SEPTIN8: variants seen among roughly 807,000 people sequenced by gnomAD.
The protein encoded by SEPTIN8 is septin-8.
In SEPTIN8, 22 loss-of-function variants were observed where a neutral mutation model predicts 53.1. The ratio of observed to expected loss-of-function variants is 0.41; its 90% confidence interval spans 0.30 to 0.59. SEPTIN8 has a LOEUF of 0.59. SEPTIN8 is among the 20% of genes least tolerant of loss of function. The pLI is 0.24. For missense variants in SEPTIN8, 536 were observed against 638.7 expected (o/e 0.84, Z 1.73); for synonymous variants, 228 against 248.4 (o/e 0.92, Z 0.77).
rs30519 is a variant in SEPTIN8 at position 132,776,297 on chromosome 5, T to C, written c.30+811A>G. Among the ~76,000 whole-genome samples, 55,178 of 151,962 alleles carry C rather than the reference T, an allele frequency of 0.36. 16,831 individuals are homozygous for C. The highest frequency in any genetic ancestry group is 0.8 in the African/African-American group (33,230 of 41,444). ...AGATCCAGCCTTAGACAGCAGGGGA[T>C]GTCCAGATACAACCCCCCAAAGGCC... On this transcript the variant is annotated intron_variant, in intron 1 of 9. Coordinates refer to ENST00000378719, the MANE Select transcript of SEPTIN8 (RefSeq NM_001098811.2). This position sits in a 1 kb window ranked among gnomAD's most constrained non-coding sequence, Gnocchi z 4.4.
chr5:132,771,953 C>A (rs1181008375), intron 1 of SEPTIN8, among the ~76,000 whole-genome samples: 1 of 152,102 alleles, frequency 6.6e-6, no homozygotes, highest in East Asian at 1.9e-4. Flanking sequence ...TGTCCCAAAT[C>A]AAGAGGACAC....
chr5:132,764,770 A>G (rs1393449035), intron 2 of SEPTIN8, among the ~76,000 whole-genome samples: 1 of 152,164 alleles, frequency 6.6e-6, no homozygotes, highest in Admixed American at 6.5e-5. Flanking sequence ...GCTCTACACA[A>G]CACCCCTCCT....
rs771514531 is a variant in SEPTIN8 at position 132,762,656 on chromosome 5, CA to C, written c.535-12del. The C allele has an allele frequency of 1.3e-5, 21 of 1,613,974 alleles. No individual in the cohort carries two copies. The African/African-American group carries it at 2.5e-4, about 19-fold the overall frequency. The stretch of plus-strand genomic sequence containing the variant: ...GGGAATAATGTTCACCTGCCAGGAT[CA>C]GGGGAGGGGACAGCAGGCTGGTTGG... On this transcript the variant is annotated splice_polypyrimidine_tract_variant and intron_variant, in intron 4 of 9. Transcript: ENST00000378719.
rs1757839144 is a variant in SEPTIN8, at chr5:132,776,782, C to A, written c.30+326G>T. Among the ~76,000 whole-genome samples the A allele has an allele frequency of 6.6e-6, 1 of 152,142 alleles. No individual in the cohort carries two copies. The highest frequency in any genetic ancestry group is 2.4e-5 in the African/African-American group (1 of 41,434). On this transcript the variant is annotated intron_variant, in intron 1 of 9. Coordinates refer to ENST00000378719, the MANE Select transcript of SEPTIN8 (RefSeq NM_001098811.2). This position sits in a 1 kb window ranked among gnomAD's most constrained non-coding sequence, Gnocchi z 4.4. ...CGATAGGGTCCGGAGTGTCCCGGAC[C>A]CTCACCTGCGGCCCCGCGGGCGCCA... is the stretch of plus-strand genomic sequence containing the variant.
Position 132,777,178 on chromosome 5 carries a change from G to C in SEPTIN8, c.-41C>G. The C allele has an allele frequency of 8.6e-7, 1 of 1,165,840 alleles. No homozygotes were observed. The allele number at this position is 1,165,840 out of a possible 1,614,324, so 72.2% of individuals were successfully genotyped here. On this transcript the variant is annotated 5_prime_UTR_variant, in exon 1 of 10. Coordinates refer to ENST00000378719, the MANE Select transcript of SEPTIN8 (RefSeq NM_001098811.2). The surrounding 1 kb of genome is among the most constrained non-coding windows in gnomAD (Gnocchi z 4.1). ...GGGCGGGTGGGCTGGGACGAGCGCA[G>C]GGGCAGCGACAGGGACCAGCCGGCT...
intron 9 of SEPTIN8, among the ~76,000 whole-genome samples, chr5:132,755,670 C>T (rs1361880162): frequency 6.6e-6 from 1 of 152,154 alleles, no homozygotes; most frequent in Admixed American, 6.5e-5. Context: ...CCGTGGCAAG[C>T]CTTTGTGTTA....
chr5:132,758,355 A>C, intron 9 of SEPTIN8: 1 of 1,404,930 alleles, frequency 7.1e-7, no homozygotes, highest in Non-Finnish European at 9.2e-7. Flanking sequence ...GCTGTAGGTT[A>C]GAAAAATTAA....
At chr5:132,766,506 A>G (rs1329286897) in intron 1 of SEPTIN8, among the ~76,000 whole-genome samples, 1 of 152,170 alleles carries the variant, frequency 6.6e-6, no homozygotes, top group Admixed American at 6.5e-5. Flanking sequence ...AATGGGGTAA[A>G]ATGCTGCCCG....
Position 132,761,635 on chromosome 5 carries a change from A to G in SEPTIN8, c.794-9T>C, listed in dbSNP as rs201182269. On this transcript the variant is annotated splice_polypyrimidine_tract_variant and intron_variant, in intron 6 of 9. Coordinates refer to ENST00000378719, the MANE Select transcript of SEPTIN8 (RefSeq NM_001098811.2). The surrounding 1 kb of genome is among the most constrained non-coding windows in gnomAD (Gnocchi z 5.8). ...GTGATTCTCATTCTCCACTGAAAGC[A>G]GAGGGCCGGTGGGGTATCAGGCAGG... is the stretch of plus-strand genomic sequence containing the variant. 1.2e-6 allele frequency: 2 copies of G among 1,613,272 alleles called. No individual in the cohort carries two copies. Among genetic ancestry groups the G allele is most frequent in the African/African-American group, 2.7e-5 (2 of 75,026 alleles).
At position 132,761,731 on chromosome 5, in the gene SEPTIN8, AC is replaced by A. The variant is rs1755984484; in HGVS notation, c.793+68del. Reference sequence around the variant, plus strand: ...GCATGAGGAGGAAACAGCACAGGGTACTACAGGCAGCAGGGCAGGCCAGGGA... The same window carrying A: ...GCATGAGGAGGAAACAGCACAGGGTATACAGGCAGCAGGGCAGGCCAGGGA... On this transcript the variant is annotated intron_variant, in intron 6 of 9. Transcript: ENST00000378719. This position sits in a 1 kb window ranked among gnomAD's most constrained non-coding sequence, Gnocchi z 5.8. 6.3e-7 allele frequency: 1 copy of A among 1,584,082 alleles called. No homozygotes were observed. Among genetic ancestry groups the A allele is most frequent in the African/African-American group, 1.3e-5 (1 of 74,502 alleles).
At chr5:132,770,157 ATATATATATG>A (rs1757171312) in intron 1 of SEPTIN8, among the ~76,000 whole-genome samples, 1 of 128,116 alleles carries the variant, frequency 7.8e-6, no homozygotes, top group African/African-American at 3.4e-5. Context: ...ATATATATAT[ATATATATATG>A]TATATATGTA....
In SEPTIN8 at chr5:132,777,198, C is replaced by G. The variant is rs1757890735; in HGVS notation, c.-61G>C. 3 of 1,161,716 alleles carry G rather than the reference C, an allele frequency of 2.6e-6. No individual in the cohort carries two copies. The highest frequency in any genetic ancestry group is 2.8e-4 in the Middle Eastern group (1 of 3,538). The allele number at this position is 1,161,716 out of a possible 1,614,324, so 72.0% of individuals were successfully genotyped here. On this transcript the variant is annotated 5_prime_UTR_variant, in exon 1 of 10. Coordinates refer to ENST00000378719, the MANE Select transcript of SEPTIN8 (RefSeq NM_001098811.2). The surrounding 1 kb of genome is among the most constrained non-coding windows in gnomAD (Gnocchi z 4.1). Reference sequence around the variant, plus strand: ...GCGCAGGGGCAGCGACAGGGACCAGCCGGCTGCGGGACGCGCTCCGCCCGG... The same window carrying G: ...GCGCAGGGGCAGCGACAGGGACCAGGCGGCTGCGGGACGCGCTCCGCCCGG...
Position 132,761,610 on chromosome 5 carries a change from G to A in SEPTIN8, c.810C>T (p.His270=), listed in dbSNP as rs1755965158. Residue 270 remains histidine, a synonymous_variant, in exon 7 of 10, where the codon CAC becomes CAT. Transcript: ENST00000378719. This position sits in a 1 kb window ranked among gnomAD's most constrained non-coding sequence, Gnocchi z 5.8. The part of the protein sequence containing the change: ...WGVVQVENEN[H]CDFVKLREML... The stretch of plus-strand genomic sequence containing the variant: ...TCTCCCGCAGCTTCACGAAGTCGCA[G>A]TGATTCTCATTCTCCACTGAAAGCA... 4 of 1,613,830 alleles carry A rather than the reference G, an allele frequency of 2.5e-6. No homozygotes were observed. Among genetic ancestry groups the A allele is most frequent in the African/African-American group, 1.3e-5 (1 of 74,898 alleles).
intron 1 of SEPTIN8, among the ~76,000 whole-genome samples, chr5:132,775,109 T>G (rs908548159): frequency 5.3e-5 from 8 of 152,128 alleles, no homozygotes; most frequent in African/African-American, 1.7e-4. Flanking sequence ...GCGCTCAGGC[T>G]CTACGCCCTT....
rs1029535879 is a variant in SEPTIN8 at position 132,776,791 on chromosome 5, C to A, written c.30+317G>T. On this transcript the variant is annotated intron_variant, in intron 1 of 9. Coordinates refer to ENST00000378719, the MANE Select transcript of SEPTIN8 (RefSeq NM_001098811.2). The surrounding 1 kb of genome is among the most constrained non-coding windows in gnomAD (Gnocchi z 4.4). The stretch of plus-strand genomic sequence containing the variant: ...CCGGAGTGTCCCGGACCCTCACCTG[C>A]GGCCCCGCGGGCGCCACTCTATCTT... Among the ~76,000 whole-genome samples the A allele has an allele frequency of 6.6e-6, 1 of 152,182 alleles. No individual in the cohort carries two copies. The highest frequency in any genetic ancestry group is 6.5e-5 in the Admixed American group (1 of 15,286).
rs1311655989 is a variant in SEPTIN8 at position 132,761,711 on chromosome 5, A to C, written c.794-85T>G. 2.5e-6 allele frequency: 4 copies of C among 1,587,052 alleles called. No homozygotes were observed. Among genetic ancestry groups the C allele is most frequent in the East Asian group, 2.2e-5 (1 of 44,672 alleles). ...CAGGGTAGGCACGCAGGTGGGCATGAGGAGGAAACAGCACAGGGTACTACA... is the reference window on the plus strand; with the variant it reads ...CAGGGTAGGCACGCAGGTGGGCATGCGGAGGAAACAGCACAGGGTACTACA... On this transcript the variant is annotated intron_variant, in intron 6 of 9. Transcript: ENST00000378719. The surrounding 1 kb of genome is among the most constrained non-coding windows in gnomAD (Gnocchi z 5.8).
At chr5:132,771,208 C>A (rs1342015706) in intron 1 of SEPTIN8, among the ~76,000 whole-genome samples, 1 of 152,208 alleles carries the variant, frequency 6.6e-6, no homozygotes, top group Non-Finnish European at 1.5e-5. Flanking sequence ...GAAGAAACTG[C>A]ATCTCATGGT....
At position 132,750,856 on chromosome 5, in the gene SEPTIN8, G is replaced by C. The variant is rs1754781959; in HGVS notation, c.*1160C>G. The C allele has an allele frequency of 3.1e-6, 5 of 1,612,912 alleles. No individual in the cohort carries two copies. The South Asian group carries it at 3.3e-5, about 11-fold the overall frequency. ...TTGGCCTCTTTATTTTCTTTTTACA[G>C]TTTATTCCACAAGTAAAAGACTTCA... On this transcript the variant is annotated 3_prime_UTR_variant, in exon 10 of 10. Transcript: ENST00000378719.
chr5:132,753,232 G>A, intron 9 of SEPTIN8: 2 of 457,794 alleles, frequency 4.4e-6, no homozygotes, highest in Non-Finnish European at 4.0e-6. Flanking sequence ...CTGAAGCCAG[G>A]GAGTATGAAT....
Sources: gnomAD v4.1 joint callset for allele counts (sites outside exome capture counted in the v4.1 genomes callset) on GRCh38, gnomAD v4.1.1 for gene constraint, Gnocchi (gnomAD v3.1) non-coding constraint, MANE v1.5 for transcripts, NCBI Gene and HGNC (gene_info 2026-07-23, HGNC 2026-07-21) for gene names.